The following MAF variants were observed in gnomAD, a reference collection of about 807,000 sequenced individuals.
MAF encodes MAF bZIP transcription factor.
MAF carries 10 observed loss-of-function variants against 22.0 expected under a neutral mutation model. That is an observed-to-expected ratio of 0.45 (90% CI 0.28 to 0.77). MAF has a LOEUF of 0.77. MAF is among the 30% of genes least tolerant of loss of function. The probability of loss-of-function intolerance (pLI) is 0.12; values close to 1 mark genes in which losing one functional copy is unlikely to be tolerated. For synonymous variants in MAF, 337 were observed against 255.8 expected (o/e 1.32, Z -3.03); for missense variants, 544 against 548.4 (o/e 0.99, Z 0.08).
chr16:79,319,135 C>A, the MAF span, among the ~76,000 whole-genome samples: 3 of 152,120 alleles, frequency 2.0e-5, no homozygotes, highest in South Asian at 2.1e-4. Flanking sequence ...CTCCAAATAT[C>A]CAGGCAGAGA....
chr16:79,523,355 T>G, the MAF span, among the ~76,000 whole-genome samples: 1 of 152,256 alleles, frequency 6.6e-6, no homozygotes, highest in Non-Finnish European at 1.5e-5. Context: ...GACTTTTCTG[T>G]GTACTAGACC....
chr16:79,492,579 A>T, the MAF span, among the ~76,000 whole-genome samples: 9 of 152,318 alleles, frequency 5.9e-5, no homozygotes, highest in African/African-American at 2.2e-4. Context: ...CACATATGGG[A>T]ACTTTATAGC....
At chr16:79,341,440 T>G in the MAF span, among the ~76,000 whole-genome samples, 5 of 152,188 alleles carry the variant, frequency 3.3e-5, no homozygotes, top group African/African-American at 1.2e-4. Context: ...GCATCTCTTC[T>G]CAACTCACAC....
the MAF span, among the ~76,000 whole-genome samples, chr16:79,421,334 G>C: frequency 6.6e-6 from 1 of 152,162 alleles, no homozygotes; most frequent in Admixed American, 6.5e-5. Context: ...ATCACACAGA[G>C]CCATGTTCCT....
chr16:79,573,622 A>G, the MAF span, among the ~76,000 whole-genome samples: 2 of 152,256 alleles, frequency 1.3e-5, no homozygotes, highest in African/African-American at 4.8e-5. Flanking sequence ...TCTACTGTAT[A>G]GGTAATACAC....
chr16:79,577,478 A>T, the MAF span, among the ~76,000 whole-genome samples: 2 of 152,102 alleles, frequency 1.3e-5, no homozygotes, highest in South Asian at 4.2e-4. Flanking sequence ...CTGCCTCTCT[A>T]TTCATTGTTA....
At chr16:79,399,425 GTA>G in the MAF span, among the ~76,000 whole-genome samples, 1 of 152,208 alleles carries the variant, frequency 6.6e-6, no homozygotes, top group Non-Finnish European at 1.5e-5. Context: ...GGCTGGAAAA[GTA>G]TTCTTCAAAT....
At chr16:79,456,507 G>C in the MAF span, among the ~76,000 whole-genome samples, 1 of 152,160 alleles carries the variant, frequency 6.6e-6, no homozygotes, top group Non-Finnish European at 1.5e-5. Context: ...TTCAAGAAAT[G>C]CTCACTACAT....
the MAF span, among the ~76,000 whole-genome samples, chr16:79,214,853 G>A: frequency 2.6e-5 from 4 of 151,286 alleles, no homozygotes; most frequent in South Asian, 8.4e-4. Flanking sequence ...TGGGATTACA[G>A]GTGCCCACAA....
At chr16:79,325,149 G>C in the MAF span, among the ~76,000 whole-genome samples, 4 of 152,114 alleles carry the variant, frequency 2.6e-5, no homozygotes, top group African/African-American at 7.2e-5. Context: ...TACAAATAAG[G>C]TCACTTTCAC....
At chr16:79,244,369 C>G in the MAF span, among the ~76,000 whole-genome samples, 1 of 152,082 alleles carries the variant, frequency 6.6e-6, no homozygotes, top group Non-Finnish European at 1.5e-5. Flanking sequence ...TCAGCAAAGT[C>G]TCAGCATACA....
chr16:79,586,074 G>C (rs1046483113), intron 1 of MAF: 4 of 532,454 alleles, frequency 7.5e-6, no homozygotes, highest in African/African-American at 2.0e-5. Flanking sequence ...GAGTGATTTT[G>C]TTCCATTTGC....
the MAF span, among the ~76,000 whole-genome samples, chr16:79,351,960 G>A: frequency 6.6e-6 from 1 of 152,132 alleles, no homozygotes; most frequent in African/African-American, 2.4e-5. Context: ...AGATAAGCAT[G>A]CCGGGACACC....
chr16:79,384,496 G>A, the MAF span, among the ~76,000 whole-genome samples: 1 of 147,946 alleles, frequency 6.8e-6, no homozygotes, highest in Admixed American at 6.8e-5. Flanking sequence ...GGTGGCTCAC[G>A]CCTGTAATCC....
At chr16:79,481,265 C>A in the MAF span, among the ~76,000 whole-genome samples, 1 of 151,488 alleles carries the variant, frequency 6.6e-6, no homozygotes, top group African/African-American at 2.4e-5. Flanking sequence ...TATTGAGATA[C>A]AACTTATATA....
At chr16:79,467,676 C>T in the MAF span, among the ~76,000 whole-genome samples, 3 of 152,256 alleles carry the variant, frequency 2.0e-5, no homozygotes, top group African/African-American at 7.2e-5. Context: ...CCACCCTGGA[C>T]CTCGTGAATC....
At chr16:79,389,988 A>AAAAAC in the MAF span, among the ~76,000 whole-genome samples, 1 of 150,860 alleles carries the variant, frequency 6.6e-6, no homozygotes, top group African/African-American at 2.4e-5. Flanking sequence ...AAAAAAAAAA[A>AAAAAC]AAAAAAAAAA....
chr16:79,456,791 G>T, the MAF span, among the ~76,000 whole-genome samples: 3 of 152,152 alleles, frequency 2.0e-5, no homozygotes, highest in African/African-American at 7.2e-5. Flanking sequence ...TATTCCTGGA[G>T]TCTCCTCTTC....
the MAF span, among the ~76,000 whole-genome samples, chr16:79,411,100 C>T: frequency 6.6e-6 from 1 of 152,166 alleles, no homozygotes; most frequent in Non-Finnish European, 1.5e-5. Context: ...TTCACCAACT[C>T]CTCCCTTGTC....
Sources: allele counts gnomAD v4.1 joint callset (sites outside exome capture counted in the v4.1 genomes callset), GRCh38; gene constraint gnomAD v4.1.1; transcripts MANE v1.5; gene names NCBI Gene and HGNC (gene_info 2026-07-23, HGNC 2026-07-21).